Variants in ADAM18 observed in about 807,000 individuals in gnomAD.
ADAM18 encodes the protein ADAM metallopeptidase domain 18.
A neutral mutation model predicts 94.4 loss-of-function variants in ADAM18; 117 were observed. That is an observed-to-expected ratio of 1.24 (90% confidence interval 1.07 to 1.45). The LOEUF is 1.45. ADAM18 is among the 40% of genes most tolerant of loss of function. The probability of loss-of-function intolerance (pLI) is 0.00; values close to 1 mark genes in which losing one functional copy is unlikely to be tolerated. For synonymous variants in ADAM18, 327 were observed against 291.6 expected, an observed-to-expected ratio of 1.12 and a Z score of -1.24; for missense variants, 936 against 880.0, an observed-to-expected ratio of 1.06 and a Z score of -0.81.
At chr8:39,638,027 A>G (rs1299402192) in intron 9 of ADAM18, among the ~76,000 whole-genome samples, 3 of 151,978 alleles carry the variant, frequency 2.0e-5, no homozygotes, top group Admixed American at 2.0e-4. Context: ...AGTTAAAATT[A>G]TTCATGATAA....
In ADAM18 at chr8:39,668,061, T is replaced by C. The variant is rs371356217; in HGVS notation, c.1390T>C (p.Cys464Arg). 35 of 1,614,010 alleles carry C rather than the reference T, an allele frequency of 2.2e-5. No homozygotes were observed. The highest frequency in any genetic ancestry group is 6.7e-5 in the African/African-American group (5 of 74,924). The change falls in exon 14 of 20, where the codon TGC (cysteine) becomes CGC (arginine). Residue 464 changes from cysteine to arginine, a missense_variant. Transcript: ENST00000265707. ...TCCAGAGTGTGATTTTACAGAGTAC[T>C]GCAATGGAACCTCTAGTAATTGTGT... ...IDPECDFTEY[C>R]NGTSSNCVPD...
At chr8:39,717,859 AT>A (rs1372386646) in intron 18 of ADAM18, among the ~76,000 whole-genome samples, 1 of 151,636 alleles carries the variant, frequency 6.6e-6, no homozygotes, top group African/African-American at 2.4e-5. Flanking sequence ...AGAAATCCCT[AT>A]GACCTAATAG....
At chr8:39,729,072 TGAG>T (rs1383265586) in intron 19 of ADAM18, among the ~76,000 whole-genome samples, 1 of 152,176 alleles carries the variant, frequency 6.6e-6, no homozygotes, top group Non-Finnish European at 1.5e-5. Flanking sequence ...CTAATGGGTG[TGAG>T]GAGATATCTC....
chr8:39,672,012 G>T (rs1296282913), intron 14 of ADAM18, among the ~76,000 whole-genome samples: 1 of 152,088 alleles, frequency 6.6e-6, no homozygotes. Context: ...TAACATACTG[G>T]CATGGATCCT....
At chr8:39,722,215 GTGTATATATATATATATATA>G (rs1414494767) in intron 18 of ADAM18, among the ~76,000 whole-genome samples, 108 of 68,074 alleles carry the variant, frequency 1.6e-3, no homozygotes, top group African/African-American at 8.4e-3. Context: ...GTGTGTGTGT[GTGTATATATATATATATATA>G]TATATATATA....
rs1818341894 is a variant in ADAM18 at position 39,584,633 on chromosome 8, TC to T, written c.13del (p.Leu5SerfsTer41). The T allele has an allele frequency of 1.2e-6, 2 of 1,613,180 alleles. No individual in the cohort carries two copies. Among genetic ancestry groups the T allele is most frequent in the East Asian group, 4.5e-5 (2 of 44,880 alleles). The stretch of plus-strand genomic sequence containing the variant: ...CGCTCTGGCTGAGCCATGTTCCTTC[TC>T]CTCGCCCTCCTCACTGAGCTTGGAA... MFLLLALLTELGRL... is the reference protein window; with the variant it reads MFLXLALLTELGRL... On this transcript the variant is annotated frameshift_variant, in exon 1 of 20. Transcript: ENST00000265707. LOFTEE classifies it high-confidence loss of function.
intron 18 of ADAM18, among the ~76,000 whole-genome samples, chr8:39,717,476 C>T (rs771839683): frequency 9.2e-5 from 14 of 151,628 alleles, no homozygotes; most frequent in Non-Finnish European, 1.0e-4. Flanking sequence ...TCATTTCAAC[C>T]GGAAGAACTC....
intron 11 of ADAM18, among the ~76,000 whole-genome samples, chr8:39,646,079 A>T (rs573068080): frequency 9.8e-4 from 149 of 152,242 alleles, no homozygotes; most frequent in African/African-American, 3.4e-3. Context: ...AAGCTAAGGC[A>T]TTTCTTTTTG....
intron 12 of ADAM18, among the ~76,000 whole-genome samples, chr8:39,662,113 G>A (rs1820857347): frequency 6.6e-6 from 1 of 151,912 alleles, no homozygotes. Flanking sequence ...CTGGTAATCA[G>A]AGAAGTAATA....
intron 7 of ADAM18, among the ~76,000 whole-genome samples, chr8:39,631,898 T>G (rs143422939): frequency 2.0e-5 from 3 of 152,028 alleles, no homozygotes; most frequent in African/African-American, 7.2e-5. Flanking sequence ...TTTATTGTTA[T>G]GCATTTGATG....
At chr8:39,659,772 T>C (rs1820785793) in intron 12 of ADAM18, among the ~76,000 whole-genome samples, 1 of 152,112 alleles carries the variant, frequency 6.6e-6, no homozygotes, top group South Asian at 2.1e-4. Flanking sequence ...AGAATACACA[T>C]AATTTTCAAA....
intron 16 of ADAM18, among the ~76,000 whole-genome samples, chr8:39,691,622 A>G (rs990593142): frequency 1.3e-5 from 2 of 152,134 alleles, no homozygotes; most frequent in Admixed American, 6.5e-5. Context: ...AATGTGGTAC[A>G]TACACACAAC....
At chr8:39,677,810 G>T (rs1821340179) in intron 15 of ADAM18, among the ~76,000 whole-genome samples, 1 of 152,156 alleles carries the variant, frequency 6.6e-6, no homozygotes, top group Non-Finnish European at 1.5e-5. Flanking sequence ...TCTGTATTGA[G>T]AATTCAAATG....
At chr8:39,655,729 A>T (rs114586734) in intron 12 of ADAM18, among the ~76,000 whole-genome samples, 2 of 152,108 alleles carry the variant, frequency 1.3e-5, no homozygotes, top group Non-Finnish European at 2.9e-5. Context: ...CATTGTATGC[A>T]TGAAAACCCA....
chr8:39,669,313 T>A (rs988756693), intron 14 of ADAM18, among the ~76,000 whole-genome samples: 5 of 150,762 alleles, frequency 3.3e-5, no homozygotes, highest in South Asian at 2.1e-4. Context: ...CTCTTTTTTT[T>A]AAATTTTATT....
intron 7 of ADAM18, among the ~76,000 whole-genome samples, chr8:39,633,338 A>G (rs762679362): frequency 2.1e-4 from 32 of 152,190 alleles, no homozygotes; most frequent in Non-Finnish European, 4.0e-4. Context: ...CAAATAATGG[A>G]AAAAGCTTGT....
intron 10 of ADAM18, among the ~76,000 whole-genome samples, chr8:39,642,627 T>TATCA (rs1820266887): frequency 6.6e-6 from 1 of 152,148 alleles, no homozygotes; most frequent in Non-Finnish European, 1.5e-5. Context: ...TCTGTTTTTC[T>TATCA]ATCAGTACCA....
intron 10 of ADAM18, among the ~76,000 whole-genome samples, chr8:39,640,464 T>C (rs529356162): frequency 6.6e-6 from 1 of 152,296 alleles, no homozygotes; most frequent in African/African-American, 2.4e-5. Flanking sequence ...GTCTTTGCTA[T>C]TGTGACTAGT....
In ADAM18 at chr8:39,722,360, C is replaced by G. The variant is rs532562520; in HGVS notation, c.2018-1388C>G. Among the ~76,000 whole-genome samples, 10 of 149,542 alleles carry G rather than the reference C, an allele frequency of 6.7e-5. No homozygotes were observed. The South Asian group carries it at 8.5e-4, about 13-fold the overall frequency. On this transcript the variant is annotated intron_variant, in intron 18 of 19. Coordinates refer to ENST00000265707, the MANE Select transcript of ADAM18 (RefSeq NM_014237.3). ...ACTACTGAGCCATAAAAAAATAAAA[C>G]CATGTCTTTTGCAGCAACATGGATG...
Sources: allele counts gnomAD v4.1 joint callset (sites outside exome capture counted in the v4.1 genomes callset), GRCh38; gene constraint gnomAD v4.1.1; transcripts MANE v1.5; gene names NCBI Gene and HGNC (gene_info 2026-07-23, HGNC 2026-07-21).